The following GFRA1 variants were observed in gnomAD, a reference collection of about 807,000 sequenced individuals.
GFRA1 encodes GDNF family receptor alpha-1.
In GFRA1, 16 loss-of-function variants were observed where a neutral mutation model predicts 51.6. The observed-to-expected ratio is 0.31, with a 90% confidence interval of 0.21 to 0.47. GFRA1 has a LOEUF of 0.47. GFRA1 is among the 20% of genes least tolerant of loss of function. GFRA1 has a pLI of 1.00. For synonymous variants in GFRA1, 270 were observed against 241.3 expected (o/e 1.12, Z -1.10); for missense variants, 530 against 594.3 (o/e 0.89, Z 1.13).
intron 5 of GFRA1, among the ~76,000 whole-genome samples, chr10:116,185,141 G>A (rs980479929): frequency 4.6e-5 from 7 of 152,054 alleles, no homozygotes; most frequent in East Asian, 3.9e-4. Flanking sequence ...ATGAGAATGC[G>A]TCGGCAAGGG....
intron 5 of GFRA1, among the ~76,000 whole-genome samples, chr10:116,180,713 A>T (rs3781543): frequency 0.56 from 84,363 of 151,856 alleles, 23,605 homozygotes; most frequent in Middle Eastern, 0.67. Flanking sequence ...TCTTTTTAAG[A>T]GCTCTGTTTG....
chr10:116,088,902 C>T (rs187159074), intron 9 of GFRA1, among the ~76,000 whole-genome samples: 40 of 107,800 alleles, frequency 3.7e-4, no homozygotes, highest in African/African-American at 1.3e-3. Context: ...GCCTGGGTGA[C>T]ACAGCGAGAC....
At chr10:116,229,085 C>T (rs1966518658) in intron 4 of GFRA1, among the ~76,000 whole-genome samples, 1 of 151,440 alleles carries the variant, frequency 6.6e-6, no homozygotes, top group Non-Finnish European at 1.5e-5. Context: ...GGAACACAGT[C>T]CTGCCGACTC....
chr10:116,064,275 A>C lies in GFRA1; in HGVS notation c.*123T>G. The C allele has an allele frequency of 1.2e-6, 1 of 818,720 alleles. No homozygotes were observed. Among genetic ancestry groups the C allele is most frequent in the Non-Finnish European group, 2.0e-6 (1 of 506,440 alleles). 50.7% of individuals were successfully genotyped at this position (818,720 alleles called of 1,614,324 possible). On this transcript the variant is annotated 3_prime_UTR_variant, in exon 11 of 11. Transcript: ENST00000355422. ...TAAAAGGAAAAAAAAAAAATGTTCC[A>C]GTTGAATGGAACTGTTTCTCAACTG... is the stretch of plus-strand genomic sequence containing the variant.
At chr10:116,177,324 A>T (rs1961724541) in intron 5 of GFRA1, among the ~76,000 whole-genome samples, 1 of 152,174 alleles carries the variant, frequency 6.6e-6, no homozygotes, top group Admixed American at 6.5e-5. Context: ...AGGCTTATGC[A>T]ATGGTCTAGG....
At chr10:116,142,476 G>A (rs1349956901) in intron 5 of GFRA1, among the ~76,000 whole-genome samples, 6 of 152,058 alleles carry the variant, frequency 3.9e-5, no homozygotes, top group East Asian at 3.9e-4. Flanking sequence ...AGACCTTTCC[G>A]TGCTCCAAAA....
intron 4 of GFRA1, among the ~76,000 whole-genome samples, chr10:116,213,983 C>T (rs1965388227): frequency 6.6e-6 from 1 of 152,216 alleles, no homozygotes; most frequent in Non-Finnish European, 1.5e-5. Flanking sequence ...CTAATTGATA[C>T]ACACTATACA....
intron 9 of GFRA1, among the ~76,000 whole-genome samples, chr10:116,085,379 T>A (rs1166326140): frequency 6.6e-6 from 1 of 152,188 alleles, no homozygotes; most frequent in Non-Finnish European, 1.5e-5. Context: ...TCAAGGGAAG[T>A]GAACTTTAGA....
chr10:116,201,597 T>C (rs1275136989), intron 5 of GFRA1, among the ~76,000 whole-genome samples: 1 of 152,092 alleles, frequency 6.6e-6, no homozygotes, highest in African/African-American at 2.4e-5. Context: ...ATTCTTGTAG[T>C]AGCCTCTCCT....
chr10:116,268,407 G>A (rs917017344), intron 4 of GFRA1, among the ~76,000 whole-genome samples: 3 of 152,124 alleles, frequency 2.0e-5, no homozygotes, highest in African/African-American at 7.2e-5. Context: ...GTCAGTTCCT[G>A]GCTATCTCTA....
In GFRA1 at chr10:116,211,614, G is replaced by A; in HGVS notation, c.433+17C>T. ...AGCACAGCCAGTGAAAAAGCAGGCA[G>A]GAAACAGTGAACTTACCTTGCTGAA... On this transcript the variant is annotated intron_variant, in intron 5 of 10. Coordinates refer to ENST00000355422, the MANE Select transcript of GFRA1 (RefSeq NM_005264.8). The A allele has an allele frequency of 6.5e-7, 1 of 1,549,152 alleles. No individual in the cohort carries two copies. Among genetic ancestry groups the A allele is most frequent in the Admixed American group, 2.0e-5 (1 of 50,976 alleles).
At chr10:116,269,458 T>C in intron 4 of GFRA1, 45 bp downstream of exon 4, 1 of 1,079,876 alleles carries the variant, frequency 9.3e-7, no homozygotes, top group Middle Eastern at 2.0e-4. Flanking sequence ...AGCCAACGAA[T>C]TCAAGCACAC....
chr10:116,141,576 C>G (rs1450031418), intron 5 of GFRA1, among the ~76,000 whole-genome samples: 1 of 104,094 alleles, frequency 9.6e-6, no homozygotes, highest in East Asian at 2.9e-4. Context: ...ATGTCCTCTT[C>G]TTTTTTTTGA....
chr10:116,057,900 C>G lies in GFRA1; in HGVS notation c.*6498G>C, dbSNP rs1954614106. On this transcript the variant is annotated 3_prime_UTR_variant, in exon 11 of 11. Coordinates refer to ENST00000355422, the MANE Select transcript of GFRA1 (RefSeq NM_005264.8). ...ATCCGAGAAATGCCTTCAGCTACAG[C>G]TAAAAAATAATAATAATAAAAAAAA... The G allele has an allele frequency of 6.7e-6, 1 of 149,960 alleles. No individual in the cohort carries two copies. The highest frequency in any genetic ancestry group is 2.4e-5 in the African/African-American group (1 of 40,874). 9.3% of individuals were successfully genotyped at this position (149,960 alleles called of 1,614,324 possible).
At chr10:116,199,161 T>C (rs1301288852) in intron 5 of GFRA1, among the ~76,000 whole-genome samples, 1 of 152,188 alleles carries the variant, frequency 6.6e-6, no homozygotes, top group Non-Finnish European at 1.5e-5. Flanking sequence ...AGTGAGGGAA[T>C]AGATTTCTGT....
intron 6 of GFRA1, among the ~76,000 whole-genome samples, chr10:116,103,903 G>T (rs982385357): frequency 2.0e-5 from 3 of 152,158 alleles, no homozygotes; most frequent in Non-Finnish European, 4.4e-5. Context: ...TGTTGCTATT[G>T]CTGTCTGGGC....
intron 5 of GFRA1, among the ~76,000 whole-genome samples, chr10:116,193,815 T>C (rs1437248693): frequency 1.3e-5 from 2 of 151,932 alleles, no homozygotes; most frequent in Non-Finnish European, 1.5e-5. Context: ...CCCAGCACTT[T>C]GGGAGGCCTA....
intron 5 of GFRA1, among the ~76,000 whole-genome samples, chr10:116,132,737 A>G (rs3781531): frequency 0.13 from 19,339 of 152,104 alleles, 1,404 homozygotes; most frequent in East Asian, 0.2. Context: ...TTGATCCTCT[A>G]TATCTATTGA....
At chr10:116,250,084 AAG>A (rs926568066) in intron 4 of GFRA1, among the ~76,000 whole-genome samples, 8 of 152,174 alleles carry the variant, frequency 5.3e-5, no homozygotes, top group Admixed American at 5.2e-4. Context: ...GAGGCAGAAC[AAG>A]AGAGATGTGT....
Sources: allele counts gnomAD v4.1 joint callset (sites outside exome capture counted in the v4.1 genomes callset), GRCh38; gene constraint gnomAD v4.1.1; transcripts MANE v1.5; gene names NCBI Gene and HGNC (gene_info 2026-07-23, HGNC 2026-07-21).